Variants in ACACA observed in about 807,000 individuals in gnomAD.
ACACA encodes acetyl-CoA carboxylase alpha.
In ACACA, 103 loss-of-function variants were observed where a neutral mutation model predicts 296.1. The ratio of observed to expected loss-of-function variants is 0.35; its 90% CI spans 0.30 to 0.41. The LOEUF is 0.41. ACACA is among the 10% of genes least tolerant of loss of function. The probability of loss-of-function intolerance (pLI) is 1.00; values close to 1 mark genes in which losing one functional copy is unlikely to be tolerated. For missense variants in ACACA, 1,554 were observed against 2,989.7 expected (o/e 0.52, Z 11.20); for synonymous variants, 953 against 1,038.6 (o/e 0.92, Z 1.58).
intron 48 of ACACA, among the ~76,000 whole-genome samples, chr17:37,123,648 G>C (rs578142298): frequency 1.3e-4 from 20 of 152,158 alleles, no homozygotes; most frequent in African/African-American, 4.6e-4. Flanking sequence ...TCACAAGAGG[G>C]CTGACAAGGG....
In ACACA at chr17:37,330,886, T is replaced by C. The variant is rs189906928; in HGVS notation, c.86-461A>G. 2.2e-3 allele frequency among the ~76,000 whole-genome samples: 330 copies of C among 152,226 alleles called. 1 individual carries two copies. Among genetic ancestry groups the C allele is most frequent in the African/African-American group, 7.6e-3 (316 of 41,570 alleles). On this transcript the variant is annotated intron_variant, in intron 2 of 55. Transcript: ENST00000616317. The stretch of plus-strand genomic sequence containing the variant: ...AATGCTCATCTGGCTTCAAACACTA[T>C]ATATTGAGAGGCTATAACTTTTATT...
intron 29 of ACACA, among the ~76,000 whole-genome samples, chr17:37,213,852 C>T (rs1172391198): frequency 6.6e-6 from 1 of 152,168 alleles, no homozygotes; most frequent in Non-Finnish European, 1.5e-5. Context: ...AGAACACTGA[C>T]TTCTCTGGCA....
In ACACA at chr17:37,099,609, G is replaced by A. The variant is rs537443484; in HGVS notation, c.6566-1625C>T. 2.2e-3 allele frequency among the ~76,000 whole-genome samples: 339 copies of A among 150,700 alleles called. 3 individuals carry two copies. Among genetic ancestry groups the A allele is most frequent in the Admixed American group, 3.8e-3 (57 of 15,170 alleles). Reference sequence around the variant, plus strand: ...GATGGCAGGAGGGCTGATGGCGGGAGGGCTGATGGCAGGAGGGCTGATGGA... The same window carrying A: ...GATGGCAGGAGGGCTGATGGCGGGAAGGCTGATGGCAGGAGGGCTGATGGA... On this transcript the variant is annotated intron_variant, in intron 52 of 55. Transcript: ENST00000616317.
At chr17:37,338,893 T>C (rs1229359338) in intron 2 of ACACA, among the ~76,000 whole-genome samples, 6 of 149,388 alleles carry the variant, frequency 4.0e-5, no homozygotes, top group African/African-American at 1.5e-4. Flanking sequence ...TGTGCCGAGA[T>C]TGCGCCACTG....
At chr17:37,214,519 C>T (rs2078901197) in intron 29 of ACACA, among the ~76,000 whole-genome samples, 1 of 152,188 alleles carries the variant, frequency 6.6e-6, no homozygotes, top group South Asian at 2.1e-4. Flanking sequence ...CGGGGATTTA[C>T]AGGTGTCCTG....
chr17:37,284,880 T>C lies in ACACA; in HGVS notation c.429A>G (p.Ala143=), dbSNP rs1452513850. ...TTCCCCCAAAGCGAGTAACAAATTCTGCTGGAGAAGCCACAGTGAAATCTC... is the reference window on the plus strand; with the variant it reads ...TTCCCCCAAAGCGAGTAACAAATTCCGCTGGAGAAGCCACAGTGAAATCTC... ...SQRDFTVASP[A]EFVTRFGGNK... is the part of the protein sequence containing the mutation. The change falls in exon 4 of 56, where the codon GCA becomes GCG. Residue 143 remains alanine, a synonymous_variant. Transcript: ENST00000616317. 6.2e-7 allele frequency: 1 copy of C among 1,614,218 alleles called. No individual in the cohort carries two copies. The highest frequency in any genetic ancestry group is 8.5e-7 in the Non-Finnish European group (1 of 1,180,030).
rs2048311156 is a variant in ACACA, at chr17:37,339,948, T to A, written c.39-98A>T. 3 of 658,402 alleles carry A rather than the reference T, an allele frequency of 4.6e-6. No individual in the cohort carries two copies. In the Admixed American group the frequency reaches 7.3e-5, roughly 16 times the overall value. 40.8% of individuals were successfully genotyped at this position (658,402 alleles called of 1,614,324 possible). ...AGCATAATACAAAGGTAATAATATA[T>A]GAAGTATCTATTTTACTGGTCAAAT... On this transcript the variant is annotated intron_variant, in intron 1 of 55. Coordinates refer to ENST00000616317, the MANE Select transcript of ACACA (RefSeq NM_198834.3).
chr17:37,363,770 G>A (rs1416912549), intron 1 of ACACA, among the ~76,000 whole-genome samples: 2 of 151,726 alleles, frequency 1.3e-5, no homozygotes, highest in Non-Finnish European at 2.9e-5. Context: ...TGGATCACCC[G>A]AGGTCAGGAG....
At chr17:37,378,142 G>C (rs2050088084) in intron 1 of ACACA, among the ~76,000 whole-genome samples, 1 of 152,106 alleles carries the variant, frequency 6.6e-6, no homozygotes, top group Admixed American at 6.6e-5. Context: ...CATTACCTAA[G>C]GCATGCTTAT....
chr17:37,276,274 T>C (rs745762250), intron 7 of ACACA, among the ~76,000 whole-genome samples: 1 of 152,168 alleles, frequency 6.6e-6, no homozygotes, highest in African/African-American at 2.4e-5. Context: ...GAGAGCTCAA[T>C]ATATATAAAT....
chr17:37,355,071 C>G (rs1428167668), intron 1 of ACACA, among the ~76,000 whole-genome samples: 1 of 151,612 alleles, frequency 6.6e-6, no homozygotes, highest in Non-Finnish European at 1.5e-5. Context: ...TGGTGAAACC[C>G]CATCTCTATT....
intron 37 of ACACA, among the ~76,000 whole-genome samples, chr17:37,191,635 T>C (rs2077755760): frequency 6.6e-6 from 1 of 152,176 alleles, no homozygotes; most frequent in Non-Finnish European, 1.5e-5. Context: ...GATATAATAA[T>C]AATGAACACA....
intron 55 of ACACA, 126 bp downstream of exon 55, chr17:37,088,811 GT>G (rs2072404041): frequency 1.5e-6 from 2 of 1,303,748 alleles, no homozygotes; most frequent in Non-Finnish European, 1.1e-6. Context: ...AACTACAGCT[GT>G]CTCAAACAGC....
intron 33 of ACACA, among the ~76,000 whole-genome samples, chr17:37,204,476 T>C (rs1325684536): frequency 6.6e-6 from 1 of 152,214 alleles, no homozygotes; most frequent in African/African-American, 2.4e-5. Context: ...AATTCCTGAC[T>C]TATCTAACCC....
intron 1 of ACACA, among the ~76,000 whole-genome samples, chr17:37,379,709 T>C (rs2050161081): frequency 6.6e-6 from 1 of 151,058 alleles, no homozygotes; most frequent in Non-Finnish European, 1.5e-5. Context: ...GAAATGCAAA[T>C]CAAAACCACA....
intron 1 of ACACA, chr17:37,359,105 A>G (rs995800726): frequency 5.1e-6 from 5 of 985,506 alleles, no homozygotes; most frequent in Non-Finnish European, 6.0e-6. Context: ...ACAGGCGTGC[A>G]GCACCAGGCC....
chr17:37,257,430 T>C (rs1040534023), intron 14 of ACACA, among the ~76,000 whole-genome samples: 2 of 152,182 alleles, frequency 1.3e-5, no homozygotes, highest in Non-Finnish European at 2.9e-5. Context: ...AAGATACCTT[T>C]AAAGCAATCA....
At chr17:37,215,770 G>C (rs1471985524) in intron 29 of ACACA, among the ~76,000 whole-genome samples, 1 of 152,028 alleles carries the variant, frequency 6.6e-6, no homozygotes, top group Non-Finnish European at 1.5e-5. Flanking sequence ...AAAAAAGACA[G>C]ACATATACAA....
intron 52 of ACACA, among the ~76,000 whole-genome samples, chr17:37,106,783 GA>G (rs1264978979): frequency 6.6e-6 from 1 of 151,784 alleles, no homozygotes; most frequent in Non-Finnish European, 1.5e-5. Flanking sequence ...GACACATTCT[GA>G]TGACAGCTTT....
Sources: gnomAD v4.1 joint callset for allele counts (sites outside exome capture counted in the v4.1 genomes callset) on GRCh38, gnomAD v4.1.1 for gene constraint, MANE v1.5 for transcripts, NCBI Gene and HGNC (gene_info 2026-07-23, HGNC 2026-07-21) for gene names.